ASPSCR1: variants seen among roughly 807,000 people sequenced by gnomAD.
ASPSCR1 encodes the protein tether containing UBX domain for GLUT4.
Under a neutral mutation model 68.9 loss-of-function variants are expected in ASPSCR1, and 55 were observed. The ratio of observed to expected loss-of-function variants is 0.80; its 90% CI spans 0.64 to 1.00. ASPSCR1 has a LOEUF of 1.00. Among genes scored for constraint, ASPSCR1 ranks in the 50% least tolerant of loss-of-function variants. The pLI is 0.00. For missense variants in ASPSCR1, 765 were observed against 762.2 expected (o/e 1.00, Z -0.04); for synonymous variants, 352 against 332.6 (o/e 1.06, Z -0.63).
intron 7 of ASPSCR1, among the ~76,000 whole-genome samples, chr17:82,000,697 C>T (rs1370915472): frequency 6.6e-6 from 1 of 152,194 alleles, no homozygotes; most frequent in East Asian, 1.9e-4. Context: ...CGGCCGAGAC[C>T]CGGGGTGGTT....
chr17:82,009,063 G>T lies in ASPSCR1; in HGVS notation c.960G>T (p.Arg320=). ...ERPVDREPVD[R]EPVVCHPDLE... ...CCGTGGACCGGGAGCCCGTGGACCG[G>T]GAGCCGGTGGTGTGCCACCCCGACC... The change falls in exon 8 of 16, where the codon CGG becomes CGT. Residue 320 remains arginine (R), a synonymous_variant. Coordinates refer to ENST00000306739, the MANE Select transcript of ASPSCR1 (RefSeq NM_024083.4). 2 of 1,563,692 alleles carry T rather than the reference G, an allele frequency of 1.3e-6. No homozygotes were observed. Among genetic ancestry groups the T allele is most frequent in the Non-Finnish European group, 1.7e-6 (2 of 1,154,876 alleles).
rs750276687 is a variant in ASPSCR1, at chr17:81,996,508, C to G, written c.595C>G (p.Pro199Ala). 2 of 1,612,518 alleles carry G rather than the reference C, an allele frequency of 1.2e-6. No individual in the cohort carries two copies. Among genetic ancestry groups the G allele is most frequent in the Non-Finnish European group, 1.7e-6 (2 of 1,179,658 alleles). The change falls in exon 7 of 16, where the codon CCA becomes GCA. Residue 199 changes from proline to alanine, a missense_variant. Transcript: ENST00000306739. ...GGCTGGCCAGGCAGCCGCCAGCGCT[C>G]CACTTCCCTTGGAATCTGGGGAGCT... ...ASAGQAAASA[P>A]LPLESGELSR...
In ASPSCR1 at chr17:82,017,038, CCT is replaced by C. The variant is rs777308203; in HGVS notation, c.1574_1575del (p.Pro525ArgfsTer51). ...PAAEEGALVPPEPIPGTAQPV... is the reference protein window; with the variant it reads ...PAAEEGALVPXEPIPGTAQPV... ...TGCTGAGGAGGGGGCGCTGGTCCCC[CCT>C]GAGCCCATCCCAGGGACGGCCCAGC... On this transcript the variant is annotated frameshift_variant, in exon 15 of 16. Coordinates refer to ENST00000306739, the MANE Select transcript of ASPSCR1 (RefSeq NM_024083.4). LOFTEE classifies it high-confidence loss of function. 1,943 of 1,612,140 alleles carry C rather than the reference CCT, an allele frequency of 1.2e-3. 2 individuals are homozygous for C. The highest frequency in any genetic ancestry group is 2.9e-3 in the African/African-American group (221 of 75,052).
intron 2 of ASPSCR1, among the ~76,000 whole-genome samples, chr17:81,981,073 C>T (rs1207764740): frequency 6.6e-6 from 1 of 152,168 alleles, no homozygotes; most frequent in Non-Finnish European, 1.5e-5. Context: ...CACGAAAACC[C>T]TGACTGTGCC....
In ASPSCR1 at chr17:81,996,652, G is replaced by T. The variant is rs1454485897; in HGVS notation, c.739G>T (p.Gly247Cys). The change falls in exon 7 of 16, where the codon GGT (glycine) becomes TGT (cysteine). Residue 247 changes from glycine to cysteine, a missense_variant. Physicochemically the swap from Gly to Cys is radical, Grantham distance 159. Coordinates refer to ENST00000306739, the MANE Select transcript of ASPSCR1 (RefSeq NM_024083.4). Reference protein sequence around the residue: ...PAAAPFVPFSGGGQRLGGPPG... With the variant: ...PAAAPFVPFSCGGQRLGGPPG... ...AGCTGCCCCCTTTGTTCCTTTCTCG[G>T]GTGGGGGACAGAGACTGGGGGGCCC... The T allele has an allele frequency of 6.2e-7, 1 of 1,612,896 alleles. No individual in the cohort carries two copies.
intron 6 of ASPSCR1, 135 bp downstream of exon 6, chr17:81,996,200 C>T (rs2042331481): frequency 7.6e-7 from 1 of 1,313,468 alleles, no homozygotes; most frequent in Non-Finnish European, 1.0e-6. Context: ...CGCCTGGTGG[C>T]CTCTGCCTGC....
At chr17:81,995,644 G>T in intron 5 of ASPSCR1, 1 of 477,382 alleles carries the variant, frequency 2.1e-6, no homozygotes, top group Non-Finnish European at 3.8e-6. Context: ...GTGACAGCAC[G>T]TTCCTGCCTC....
chr17:81,995,462 C>T (rs568281556), intron 5 of ASPSCR1: 54 of 228,504 alleles, frequency 2.4e-4, no homozygotes, highest in African/African-American at 1.2e-3. Flanking sequence ...GGCTGTGGCC[C>T]TCAGGGACCC....
At chr17:81,980,538 C>T (rs2041762811) in intron 2 of ASPSCR1, among the ~76,000 whole-genome samples, 1 of 152,220 alleles carries the variant, frequency 6.6e-6, no homozygotes, top group Non-Finnish European at 1.5e-5. Context: ...TCTCTCTTGT[C>T]AACTGAAGAA....
chr17:81,991,322 A>G (rs1170684223), intron 4 of ASPSCR1, among the ~76,000 whole-genome samples: 2 of 152,232 alleles, frequency 1.3e-5, no homozygotes, highest in East Asian at 3.9e-4. Context: ...GCCTTGACTC[A>G]GTGCTTGGGG....
chr17:82,000,063 T>C (rs183460245), intron 7 of ASPSCR1, among the ~76,000 whole-genome samples: 3 of 152,330 alleles, frequency 2.0e-5, no homozygotes, highest in African/African-American at 7.2e-5. Context: ...TGAGTCCCCA[T>C]GAAGCGCTCG....
At chr17:82,016,430 G>A (rs535111198) in intron 12 of ASPSCR1, 46 bp from the exon 13 acceptor site, 5 of 1,518,700 alleles carry the variant, frequency 3.3e-6, no homozygotes, top group South Asian at 1.2e-5. Context: ...CAGCAGGGGG[G>A]TGCTCTGCCC....
rs755336724 is a variant in ASPSCR1, at chr17:81,995,015, G to A, written c.432+137G>A. The A allele has an allele frequency of 3.0e-6, 3 of 991,820 alleles. No individual in the cohort carries two copies. The South Asian group carries it at 5.2e-5, about 17-fold the overall frequency. The allele number at this position is 991,820 out of a possible 1,614,324, so 61.4% of individuals were successfully genotyped here. ...TCTTGAAAGCACGACGTGTTTCATG[G>A]AAAAAGAGGGAGTGGCCGGCCCTCG... On this transcript the variant is annotated intron_variant, in intron 5 of 15. Coordinates refer to ENST00000306739, the MANE Select transcript of ASPSCR1 (RefSeq NM_024083.4).
In ASPSCR1 at chr17:81,983,469, A is replaced by C; in HGVS notation, c.159-85A>C. 1 of 1,138,038 alleles carries C rather than the reference A, an allele frequency of 8.8e-7. No homozygotes were observed. Among genetic ancestry groups the C allele is most frequent in the Non-Finnish European group, 1.3e-6 (1 of 784,730 alleles). 70.5% of individuals were successfully genotyped at this position (1,138,038 alleles called of 1,614,324 possible). ...GCGGGGCGTGGATGGCGGGGCGTGG[A>C]TGGTGGGACGGGGATGGCGGGGCGT... is the stretch of plus-strand genomic sequence containing the variant. On this transcript the variant is annotated intron_variant, in intron 2 of 15. Coordinates refer to ENST00000306739, the MANE Select transcript of ASPSCR1 (RefSeq NM_024083.4). The surrounding 1 kb of genome is among the most constrained non-coding windows in gnomAD (Gnocchi z 4.4).
Position 81,994,964 on chromosome 17 carries a change from C to G in ASPSCR1, c.432+86C>G, listed in dbSNP as rs141708885. ...AAAATCTGCTGTCCCGCAGCCGTCT[C>G]CAGGGCAGTGGCGGGAGACTCGGGC... On this transcript the variant is annotated intron_variant, in intron 5 of 15. Coordinates refer to ENST00000306739, the MANE Select transcript of ASPSCR1 (RefSeq NM_024083.4). 4,585 of 1,391,240 alleles carry G rather than the reference C, an allele frequency of 3.3e-3. 13 individuals are homozygous for G. The highest frequency in any genetic ancestry group is 4.1e-3 in the Non-Finnish European group (4,157 of 1,020,084). 86.2% of individuals were successfully genotyped at this position (1,391,240 alleles called of 1,614,324 possible).
intron 2 of ASPSCR1, among the ~76,000 whole-genome samples, chr17:81,980,637 A>C (rs1156950051): frequency 6.6e-6 from 1 of 152,256 alleles, no homozygotes; most frequent in East Asian, 1.9e-4. Context: ...TGGGAAGTGT[A>C]GCCTCCAGCC....
chr17:81,985,506 G>A lies in ASPSCR1; in HGVS notation c.274-1G>A, dbSNP rs1456056168. Reference sequence around the variant, plus strand: ...AGTTTCTCATGTCTTATACCCTCCAGGTTCGCATCGCTTTGCAGCTGGACG... The same window carrying A: ...AGTTTCTCATGTCTTATACCCTCCAAGTTCGCATCGCTTTGCAGCTGGACG... On this transcript the variant is annotated splice_acceptor_variant, in intron 3 of 15. Coordinates refer to ENST00000306739, the MANE Select transcript of ASPSCR1 (RefSeq NM_024083.4). LOFTEE classifies it high-confidence loss of function. The A allele has an allele frequency of 3.1e-6, 5 of 1,613,976 alleles. No homozygotes were observed. The highest frequency in any genetic ancestry group is 1.7e-5 in the Admixed American group (1 of 60,028).
rs973175666 is a variant in ASPSCR1, at chr17:82,007,947, G to A, written c.934-1090G>A. ...TCAGCCACCTGTGGGCCCCACTGCC[G>A]AGCCGTGGTCAGCCCTCACTGGCTG... On this transcript the variant is annotated intron_variant, in intron 7 of 15. Transcript: ENST00000306739. The A allele has an allele frequency of 1.8e-4, 28 of 152,434 alleles. 1 individual carries two copies. Among genetic ancestry groups the A allele is most frequent in the Middle Eastern group, 6.8e-3 (2 of 294 alleles). The allele number at this position is 152,434 out of a possible 1,614,324, so 9.4% of individuals were successfully genotyped here.
rs796412513 is a variant in ASPSCR1 at position 81,983,310 on chromosome 17, G to C, written c.159-244G>C. On this transcript the variant is annotated intron_variant, in intron 2 of 15. Coordinates refer to ENST00000306739, the MANE Select transcript of ASPSCR1 (RefSeq NM_024083.4). This position sits in a 1 kb window ranked among gnomAD's most constrained non-coding sequence, Gnocchi z 4.4. ...ACTCTGAAGGAGCAGCCCCCTCGGC[G>C]TGCACCGAGGCCCACATCTCCCTTT... Among the ~76,000 whole-genome samples the C allele has an allele frequency of 1.3e-5, 2 of 152,150 alleles. No individual in the cohort carries two copies. Among genetic ancestry groups the C allele is most frequent in the South Asian group, 2.1e-4 (1 of 4,830 alleles).
Sources: gnomAD v4.1 joint callset for allele counts (sites outside exome capture counted in the v4.1 genomes callset) on GRCh38, gnomAD v4.1.1 for gene constraint, Gnocchi (gnomAD v3.1) non-coding constraint, MANE v1.5 for transcripts, NCBI Gene and HGNC (gene_info 2026-07-23, HGNC 2026-07-21) for gene names.